Variants in HS6ST3 observed in about 807,000 individuals in gnomAD.
HS6ST3 encodes heparan-sulfate 6-O-sulfotransferase 3.
A neutral mutation model predicts 36.7 loss-of-function variants in HS6ST3; 12 were observed. That is an observed-to-expected ratio of 0.33 (90% CI 0.21 to 0.53). The LOEUF (loss-of-function observed/expected upper bound fraction) is 0.53. Among genes scored for constraint, HS6ST3 ranks in the 20% least tolerant of loss-of-function variants. The pLI is 0.95. For synonymous variants in HS6ST3, 240 were observed against 257.5 expected, an observed-to-expected ratio of 0.93 and a Z score of 0.65; for missense variants, 584 against 640.9, an observed-to-expected ratio of 0.91 and a Z score of 0.96.
In HS6ST3 at chr13:96,832,640, T is replaced by TG; in HGVS notation, c.862dup (p.Asp288GlyfsTer2). 1 of 1,614,134 alleles carries TG rather than the reference T, an allele frequency of 6.2e-7. No homozygotes were observed. Among genetic ancestry groups the TG allele is most frequent in the Non-Finnish European group, 8.5e-7 (1 of 1,179,990 alleles). ...CAGATGAGCTGCCTACCTGCTACCC[T>TG]GGGGATGACTGGTCTGGGGTCAGCT... On this transcript the variant is annotated frameshift_variant, in exon 2 of 2. Coordinates refer to ENST00000376705, the MANE Select transcript of HS6ST3 (RefSeq NM_153456.4). LOFTEE classifies it high-confidence loss of function.
chr13:96,253,393 A>T (rs1434427340), intron 1 of HS6ST3, among the ~76,000 whole-genome samples: 1 of 152,176 alleles, frequency 6.6e-6, no homozygotes, highest in Non-Finnish European at 1.5e-5. Context: ...TCATGGGCCA[A>T]GGGGGCCTTT....
At chr13:96,830,455 A>G (rs1195136743) in intron 1 of HS6ST3, among the ~76,000 whole-genome samples, 1 of 152,242 alleles carries the variant, frequency 6.6e-6, no homozygotes, top group East Asian at 1.9e-4. Flanking sequence ...GTGGTAATCA[A>G]AAGTCATTCC....
intron 1 of HS6ST3, among the ~76,000 whole-genome samples, chr13:96,751,479 C>T (rs2138492546): frequency 6.6e-6 from 1 of 152,234 alleles, no homozygotes; most frequent in Non-Finnish European, 1.5e-5. Flanking sequence ...AAACTCAATA[C>T]CATCTTTACT....
chr13:96,457,964 G>A (rs545491289), intron 1 of HS6ST3, among the ~76,000 whole-genome samples: 1 of 151,866 alleles, frequency 6.6e-6, no homozygotes, highest in African/African-American at 2.4e-5. Flanking sequence ...GGTAGCTAGT[G>A]GATAAGCCTC....
Position 96,110,258 on chromosome 13 carries a change from G to A in HS6ST3, c.707+18689G>A, listed in dbSNP as rs1196608132. 2.6e-5 allele frequency among the ~76,000 whole-genome samples: 4 copies of A among 151,842 alleles called. No homozygotes were observed. In the East Asian group the frequency reaches 7.8e-4, roughly 29 times the overall value. On this transcript the variant is annotated intron_variant, in intron 1 of 1. Transcript: ENST00000376705. ...GAGGGAGCAAGAGAAAGAGGAGGAG[G>A]TGCCAAGCTCCTTTAAACAACCAGC...
intron 1 of HS6ST3, among the ~76,000 whole-genome samples, chr13:96,785,626 A>G (rs1176818824): frequency 2.0e-5 from 3 of 152,158 alleles, no homozygotes; most frequent in Non-Finnish European, 4.4e-5. Flanking sequence ...TTCCAAGGTC[A>G]GACAGATAAG....
At chr13:96,613,274 C>T (rs2056462489) in intron 1 of HS6ST3, among the ~76,000 whole-genome samples, 1 of 152,170 alleles carries the variant, frequency 6.6e-6, no homozygotes, top group Non-Finnish European at 1.5e-5. Context: ...ATTTAATATG[C>T]ATAACCACCT....
At chr13:96,365,175 C>A (rs920949310) in intron 1 of HS6ST3, among the ~76,000 whole-genome samples, 1 of 152,176 alleles carries the variant, frequency 6.6e-6, no homozygotes, top group Non-Finnish European at 1.5e-5. Context: ...CTGACAGAAG[C>A]CTGGGCAGAG....
intron 1 of HS6ST3, among the ~76,000 whole-genome samples, chr13:96,771,787 A>T (rs1482926838): frequency 1.3e-5 from 2 of 152,164 alleles, no homozygotes; most frequent in African/African-American, 4.8e-5. Flanking sequence ...TCCTGAATAC[A>T]TTAGGCATCA....
chr13:96,691,497 A>G (rs1293296687), intron 1 of HS6ST3, among the ~76,000 whole-genome samples: 1 of 152,092 alleles, frequency 6.6e-6, no homozygotes, highest in Non-Finnish European at 1.5e-5. Flanking sequence ...AGATGGCAAT[A>G]TTGGTCCAGC....
intron 1 of HS6ST3, among the ~76,000 whole-genome samples, chr13:96,178,990 A>G (rs969359327): frequency 3.9e-5 from 6 of 152,212 alleles, no homozygotes; most frequent in African/African-American, 1.4e-4. Context: ...AAACACTAAC[A>G]TTTACTAAAA....
chr13:96,366,340 G>A (rs936934089), intron 1 of HS6ST3, among the ~76,000 whole-genome samples: 3 of 152,034 alleles, frequency 2.0e-5, no homozygotes, highest in Non-Finnish European at 4.4e-5. Flanking sequence ...GAGCGTGATG[G>A]CATGCACCCA....
chr13:96,091,648 G>A lies in HS6ST3; in HGVS notation c.707+79G>A, dbSNP rs1004826218. 26 of 1,338,016 alleles carry A rather than the reference G, an allele frequency of 1.9e-5. No individual in the cohort carries two copies. The African/African-American group carries it at 5.3e-4, about 27-fold the overall frequency. 82.9% of individuals were successfully genotyped at this position (1,338,016 alleles called of 1,614,324 possible). On this transcript the variant is annotated intron_variant, in intron 1 of 1. Transcript: ENST00000376705. ...CTCAGTCCTGACCCAGAGCGACCCC[G>A]CGCTCCCTGCCCCTGCCGATGGTTT...
At chr13:96,785,384 A>G (rs1877623005) in intron 1 of HS6ST3, among the ~76,000 whole-genome samples, 2 of 151,924 alleles carry the variant, frequency 1.3e-5, no homozygotes, top group African/African-American at 4.8e-5. Context: ...AAATGAAGAA[A>G]TAACTCAGAT....
chr13:96,736,580 GA>G (rs1876290498), intron 1 of HS6ST3, among the ~76,000 whole-genome samples: 1 of 152,074 alleles, frequency 6.6e-6, no homozygotes, highest in Non-Finnish European at 1.5e-5. Flanking sequence ...CTAAATAGCA[GA>G]ATTAACAAGG....
At chr13:96,154,175 A>G (rs2054099939) in intron 1 of HS6ST3, among the ~76,000 whole-genome samples, 1 of 152,146 alleles carries the variant, frequency 6.6e-6, no homozygotes. Context: ...AGATAATTTG[A>G]GATTTAGTGT....
chr13:96,345,346 C>CT (rs1386817772), intron 1 of HS6ST3, among the ~76,000 whole-genome samples: 3 of 151,724 alleles, frequency 2.0e-5, no homozygotes, highest in East Asian at 3.9e-4. Context: ...GGCTAGACAG[C>CT]TTTTTTCTAA....
chr13:96,494,395 G>C (rs2055962735), intron 1 of HS6ST3, among the ~76,000 whole-genome samples: 1 of 124,054 alleles, frequency 8.1e-6, no homozygotes, highest in Non-Finnish European at 1.7e-5. Flanking sequence ...CCTGTTGTGG[G>C]GTGGGGGGAG....
At chr13:96,589,156 A>G (rs185168339) in intron 1 of HS6ST3, among the ~76,000 whole-genome samples, 2 of 152,004 alleles carry the variant, frequency 1.3e-5, no homozygotes, top group Admixed American at 6.6e-5. Flanking sequence ...AAAAGTCAGC[A>G]GTAAAGCCAC....
Sources: allele counts gnomAD v4.1 joint callset (sites outside exome capture counted in the v4.1 genomes callset), GRCh38; gene constraint gnomAD v4.1.1; transcripts MANE v1.5; gene names NCBI Gene and HGNC (gene_info 2026-07-23, HGNC 2026-07-21).